ESRRG: variants seen among roughly 807,000 people sequenced by gnomAD.
ESRRG encodes the protein estrogen related receptor gamma, also known as estrogen-related receptor gamma.
Under a neutral mutation model 44.0 loss-of-function variants are expected in ESRRG, and 13 were observed. The observed-to-expected ratio is 0.30, with a 90% CI of 0.19 to 0.47. The LOEUF (loss-of-function observed/expected upper bound fraction) is 0.47. Ranked by LOEUF, ESRRG falls within the 20% of genes least tolerant of loss-of-function variation. The pLI, the probability that ESRRG is intolerant of heterozygous loss-of-function variation, is 1.00. For synonymous variants in ESRRG, 215 were observed against 214.6 expected (o/e 1.00, Z -0.02); for missense variants, 395 against 580.6 (o/e 0.68, Z 3.29).
At chr1:216,669,127 T>C (rs1222770543) in intron 2 of ESRRG, among the ~76,000 whole-genome samples, 1 of 151,898 alleles carries the variant, frequency 6.6e-6, no homozygotes, top group Non-Finnish European at 1.5e-5. Flanking sequence ...ACAAAGAGTA[T>C]GGAACAGAGA....
In ESRRG at chr1:216,960,156, TC is replaced by T. The variant is rs1578702812; in HGVS notation, c.-105-20484del. On this transcript the variant is annotated intron_variant, in intron 1 of 7. Transcript: ENST00000359162. ...TAATGTAAAAAAAAATCTAGTCCCT[TC>T]CAATGCTTTTATAACATTATCATTA... 2.0e-5 allele frequency among the ~76,000 whole-genome samples: 3 copies of T among 152,308 alleles called. No homozygotes were observed. The East Asian group carries it at 5.8e-4, about 29-fold the overall frequency.
chr1:216,557,622 T>C (rs1029540038), intron 5 of ESRRG, among the ~76,000 whole-genome samples: 2 of 152,112 alleles, frequency 1.3e-5, no homozygotes, highest in Non-Finnish European at 2.9e-5. Flanking sequence ...TTGTAAACAA[T>C]AAATAACTAT....
At chr1:217,047,217 T>C (rs2085054671) in intron 1 of ESRRG, among the ~76,000 whole-genome samples, 1 of 152,146 alleles carries the variant, frequency 6.6e-6, no homozygotes, top group Non-Finnish European at 1.5e-5. Context: ...TAATGTGATT[T>C]CCTAAAGAAG....
intron 2 of ESRRG, among the ~76,000 whole-genome samples, chr1:216,663,679 A>G (rs1330130134): frequency 6.6e-6 from 1 of 152,156 alleles, no homozygotes; most frequent in South Asian, 2.1e-4. Context: ...AACAACAACA[A>G]CAACAAAAAG....
At chr1:216,987,377 C>G (rs987498272) in intron 1 of ESRRG, among the ~76,000 whole-genome samples, 1 of 152,180 alleles carries the variant, frequency 6.6e-6, no homozygotes, top group Non-Finnish European at 1.5e-5. Context: ...GGAGAACAGT[C>G]ATTGCTGCTG....
upstream of ESRRG, among the ~76,000 whole-genome samples, chr1:216,724,593 T>C (rs1211430395): frequency 6.6e-6 from 1 of 152,036 alleles, no homozygotes; most frequent in Non-Finnish European, 1.5e-5. Context: ...TTATAAACCA[T>C]CACACAGTCT....
At chr1:217,131,539 C>T (rs147369344) in intron 1 of ESRRG, among the ~76,000 whole-genome samples, 19 of 152,284 alleles carry the variant, frequency 1.2e-4, no homozygotes, top group African/African-American at 3.6e-4. Flanking sequence ...TTGAGAAATA[C>T]AGCAACTGAA....
intron 6 of ESRRG, among the ~76,000 whole-genome samples, chr1:216,513,506 A>G (rs367717213): frequency 1.8e-3 from 271 of 152,204 alleles, no homozygotes; most frequent in Middle Eastern, 6.8e-3. Context: ...GTTTTTTTAG[A>G]AGGCCTGTTT....
chr1:217,055,278 G>C (rs2086854579), intron 1 of ESRRG, among the ~76,000 whole-genome samples: 1 of 152,074 alleles, frequency 6.6e-6, no homozygotes, highest in Non-Finnish European at 1.5e-5. Flanking sequence ...GGTTCAAGGG[G>C]TAGAAGAAGA....
intron 1 of ESRRG, among the ~76,000 whole-genome samples, chr1:216,720,950 C>T (rs2086135770): frequency 6.6e-6 from 1 of 152,138 alleles, no homozygotes; most frequent in Non-Finnish European, 1.5e-5. Context: ...GCTCTATAAT[C>T]CTGTAGTCAA....
chr1:217,060,010 T>C (rs1224198066), intron 1 of ESRRG, among the ~76,000 whole-genome samples: 20 of 152,064 alleles, frequency 1.3e-4, no homozygotes, highest in Admixed American at 1.3e-3. Context: ...TGATTACTTA[T>C]GAAGAATACA....
intron 2 of ESRRG, among the ~76,000 whole-genome samples, chr1:216,842,054 T>C (rs11572574): frequency 0.24 from 36,558 of 152,068 alleles, 4,474 homozygotes; most frequent in Admixed American, 0.3. Context: ...TGTTGTCAGA[T>C]TGGTAAAAGT....
intron 1 of ESRRG, among the ~76,000 whole-genome samples, chr1:217,016,047 G>A (rs1236959794): frequency 6.6e-6 from 1 of 151,944 alleles, no homozygotes; most frequent in African/African-American, 2.4e-5. Context: ...CCCTTCTTAT[G>A]GCTGATTTCA....
At chr1:216,830,929 C>T (rs1045484826) in intron 2 of ESRRG, among the ~76,000 whole-genome samples, 5 of 152,028 alleles carry the variant, frequency 3.3e-5, no homozygotes, top group Non-Finnish European at 5.9e-5. Context: ...ATAATACCCC[C>T]AAGCCTGGGC....
At chr1:216,676,279 C>G (rs1351350854) in intron 2 of ESRRG, among the ~76,000 whole-genome samples, 1 of 152,064 alleles carries the variant, frequency 6.6e-6, no homozygotes, top group East Asian at 1.9e-4. Flanking sequence ...TTTTTCTACA[C>G]TGTATGGCGG....
At chr1:217,072,111 T>C (rs1446163692) in intron 1 of ESRRG, among the ~76,000 whole-genome samples, 3 of 152,198 alleles carry the variant, frequency 2.0e-5, no homozygotes, top group African/African-American at 7.2e-5. Flanking sequence ...TCCTCTCTAG[T>C]GTAGAAAAGC....
intron 2 of ESRRG, among the ~76,000 whole-genome samples, chr1:216,851,166 G>T (rs1413495750): frequency 3.3e-5 from 5 of 151,640 alleles, no homozygotes; most frequent in Admixed American, 2.6e-4. Context: ...TGGAAGAAAG[G>T]TTAAAGATCT....
At chr1:216,703,658 GATGTGTGTGT>G (rs2081886665) in intron 1 of ESRRG, among the ~76,000 whole-genome samples, 1 of 66,578 alleles carries the variant, frequency 1.5e-5, no homozygotes, top group African/African-American at 7.8e-5. Flanking sequence ...AAGCTGGATA[GATGTGTGTGT>G]GTGTGTGTGT....
chr1:217,111,941 C>T (rs552084910), intron 1 of ESRRG, among the ~76,000 whole-genome samples: 76 of 151,986 alleles, frequency 5.0e-4, no homozygotes, highest in Non-Finnish European at 9.1e-4. Flanking sequence ...TCTCTTGAAA[C>T]GTTCTCTCTC....
Sources: allele counts gnomAD v4.1 joint callset (sites outside exome capture counted in the v4.1 genomes callset), GRCh38; gene constraint gnomAD v4.1.1; transcripts MANE v1.5; gene names NCBI Gene and HGNC (gene_info 2026-07-23, HGNC 2026-07-21).